ASTN2: variants seen among roughly 807,000 people sequenced by gnomAD.
The protein encoded by ASTN2 is astrotactin 2, also known as astrotactin-2.
In ASTN2, 54 loss-of-function variants were observed where a neutral mutation model predicts 139.8. The ratio of observed to expected loss-of-function variants is 0.39; its 90% confidence interval spans 0.31 to 0.48. The LOEUF (loss-of-function observed/expected upper bound fraction) is 0.48, where lower values mean the gene tolerates loss of function less well. ASTN2 is among the 20% of genes least tolerant of loss of function. The pLI, the probability that ASTN2 is intolerant of heterozygous loss-of-function variation, is 0.95. For synonymous variants in ASTN2, 756 were observed against 719.5 expected (o/e 1.05, Z -0.81); for missense variants, 1,565 against 1,725.1 (o/e 0.91, Z 1.64).
At chr9:116,513,114 G>A (rs1054258424) in intron 19 of ASTN2, among the ~76,000 whole-genome samples, 2 of 152,168 alleles carry the variant, frequency 1.3e-5, no homozygotes, top group Admixed American at 6.5e-5. Flanking sequence ...TTTACAATTT[G>A]GCATGTTTTT....
At chr9:116,536,460 C>A (rs966886458) in intron 19 of ASTN2, among the ~76,000 whole-genome samples, 1 of 152,248 alleles carries the variant, frequency 6.6e-6, no homozygotes, top group Middle Eastern at 3.4e-3. Flanking sequence ...AGCTTTTCTG[C>A]TCTGCTTTTT....
intron 17 of ASTN2, among the ~76,000 whole-genome samples, chr9:116,639,343 G>A (rs911439398): frequency 6.6e-6 from 1 of 152,204 alleles, no homozygotes; most frequent in African/African-American, 2.4e-5. Flanking sequence ...CTGTCACCTA[G>A]AGAAGGCACT....
At chr9:117,001,121 C>G (rs1227946620) in intron 7 of ASTN2, among the ~76,000 whole-genome samples, 3 of 152,304 alleles carry the variant, frequency 2.0e-5, no homozygotes, top group African/African-American at 7.2e-5. Flanking sequence ...GTAGCATCTT[C>G]TCCACTTTCC....
At chr9:116,529,834 C>A (rs545903411) in intron 19 of ASTN2, among the ~76,000 whole-genome samples, 1 of 152,116 alleles carries the variant, frequency 6.6e-6, no homozygotes, top group Admixed American at 6.5e-5. Flanking sequence ...TCAACTTCCA[C>A]CATGTTTGTA....
intron 2 of ASTN2, among the ~76,000 whole-genome samples, chr9:117,281,283 G>T (rs1834317764): frequency 6.6e-6 from 1 of 152,116 alleles, no homozygotes; most frequent in Admixed American, 6.5e-5. Flanking sequence ...GAGAAAGTGA[G>T]GTTCAGAAAG....
Position 116,425,645 on chromosome 9 carries a change from T to C in ASTN2, c.*206A>G, listed in dbSNP as rs752059185. ...ATAATATCTTTGAAAAAATAAAAGA[T>C]AGAGAAAAATGAATAATTCCATTGG... is the stretch of plus-strand genomic sequence containing the variant. On this transcript the variant is annotated 3_prime_UTR_variant, in exon 23 of 23. Coordinates refer to ENST00000313400, the MANE Select transcript of ASTN2 (RefSeq NM_001365068.1). 2 of 1,611,292 alleles carry C rather than the reference T, an allele frequency of 1.2e-6. No homozygotes were observed. Among genetic ancestry groups the C allele is most frequent in the Non-Finnish European group, 8.5e-7 (1 of 1,179,036 alleles).
intron 6 of ASTN2, among the ~76,000 whole-genome samples, chr9:117,019,555 C>T (rs1025979544): frequency 6.6e-6 from 1 of 152,054 alleles, no homozygotes; most frequent in East Asian, 1.9e-4. Flanking sequence ...CCAAGTCCTA[C>T]TATGAATTCT....
intron 3 of ASTN2, among the ~76,000 whole-genome samples, chr9:117,192,814 T>C (rs1318370696): frequency 6.6e-6 from 1 of 152,232 alleles, no homozygotes; most frequent in Non-Finnish European, 1.5e-5. Context: ...AAACTCTCTG[T>C]ATTTCATGGA....
At chr9:117,341,849 A>G (rs1466628475) in intron 1 of ASTN2, among the ~76,000 whole-genome samples, 1 of 152,210 alleles carries the variant, frequency 6.6e-6, no homozygotes, top group African/African-American at 2.4e-5. Context: ...ATACCAGCAC[A>G]CACTGTGTGC....
intron 4 of ASTN2, among the ~76,000 whole-genome samples, chr9:117,135,345 A>G (rs995913211): frequency 1.9e-4 from 29 of 152,196 alleles, no homozygotes; most frequent in Non-Finnish European, 3.4e-4. Flanking sequence ...GAAGTTTTAA[A>G]TAAGATAAAA....
chr9:116,756,419 C>T (rs7848289), intron 13 of ASTN2, among the ~76,000 whole-genome samples: 67,530 of 151,458 alleles, frequency 0.45, 16,052 homozygotes, highest in South Asian at 0.56. Context: ...ATATAAGTAA[C>T]ACAAAGAACA....
At chr9:117,403,865 C>T (rs896732417) in intron 1 of ASTN2, among the ~76,000 whole-genome samples, 1 of 152,116 alleles carries the variant, frequency 6.6e-6, no homozygotes, top group Non-Finnish European at 1.5e-5. Flanking sequence ...CCCCCAGCTC[C>T]AAGAGAATGA....
At chr9:116,720,838 T>C (rs1828452813) in intron 16 of ASTN2, among the ~76,000 whole-genome samples, 4 of 152,038 alleles carry the variant, frequency 2.6e-5, no homozygotes, top group Non-Finnish European at 5.9e-5. Flanking sequence ...CCAGTCCAGT[T>C]CCACAGCTCT....
chr9:116,569,552 A>T (rs1273254792), intron 19 of ASTN2, among the ~76,000 whole-genome samples: 1 of 152,214 alleles, frequency 6.6e-6, no homozygotes, highest in Non-Finnish European at 1.5e-5. Flanking sequence ...TCAGTGATAC[A>T]GAAATGTGTG....
rs1831019119 is a variant in ASTN2, at chr9:116,805,949, T to A, written c.2208-129A>T. 6 of 867,620 alleles carry A rather than the reference T, an allele frequency of 6.9e-6. No individual in the cohort carries two copies. The East Asian group carries it at 1.5e-4, about 22-fold the overall frequency. 53.7% of individuals were successfully genotyped at this position (867,620 alleles called of 1,614,324 possible). ...TTAGGAAGGAGACAGCTATTCTACC[T>A]GGAATCTATCTAGGGCACAGATGTC... is the stretch of plus-strand genomic sequence containing the variant. On this transcript the variant is annotated intron_variant, in intron 12 of 22. Coordinates refer to ENST00000313400, the MANE Select transcript of ASTN2 (RefSeq NM_001365068.1).
intron 12 of ASTN2, among the ~76,000 whole-genome samples, chr9:116,810,580 G>A (rs1260864370): frequency 6.6e-6 from 1 of 152,102 alleles, no homozygotes; most frequent in Non-Finnish European, 1.5e-5. Flanking sequence ...CTTGAGAAAA[G>A]CTGTTACTGA....
chr9:116,736,608 C>A (rs1056598771), intron 13 of ASTN2, among the ~76,000 whole-genome samples: 3 of 152,182 alleles, frequency 2.0e-5, no homozygotes, highest in Non-Finnish European at 2.9e-5. Context: ...ATGCCCCAGG[C>A]TCTGTTCTCT....
intron 19 of ASTN2, among the ~76,000 whole-genome samples, chr9:116,542,115 A>G (rs181966682): frequency 3.3e-5 from 5 of 152,322 alleles, no homozygotes. Context: ...TGCAATAGTA[A>G]TATTTAAATG....
chr9:117,354,204 G>A (rs1038237523), intron 1 of ASTN2, among the ~76,000 whole-genome samples: 1 of 152,018 alleles, frequency 6.6e-6, no homozygotes. Context: ...CTTTCTATAA[G>A]CCTAAAACTA....
Sources: gnomAD v4.1 joint callset for allele counts (sites outside exome capture counted in the v4.1 genomes callset) on GRCh38, gnomAD v4.1.1 for gene constraint, MANE v1.5 for transcripts, NCBI Gene and HGNC (gene_info 2026-07-23, HGNC 2026-07-21) for gene names.